TAMM41: variants seen among roughly 807,000 people sequenced by gnomAD.
TAMM41 encodes TAM41 mitochondrial translocator assembly and maintenance homolog.
Under a neutral mutation model 44.1 loss-of-function variants are expected in TAMM41, and 36 were observed. That is an observed-to-expected ratio of 0.82 (90% CI 0.63 to 1.08). The LOEUF is 1.08. Among genes scored for constraint, TAMM41 ranks in the 50% least tolerant of loss-of-function variants. The pLI, the probability that TAMM41 is intolerant of heterozygous loss-of-function variation, is 0.00. For missense variants in TAMM41, 417 were observed against 404.3 expected (o/e 1.03, Z -0.27); for synonymous variants, 164 against 153.1 (o/e 1.07, Z -0.53).
the TAMM41 span, among the ~76,000 whole-genome samples, chr3:11,752,178 T>C: frequency 1.5e-4 from 23 of 151,938 alleles, no homozygotes; most frequent in South Asian, 2.1e-3. Flanking sequence ...GTGTCCGGAG[T>C]TTCTTCCTTC....
At chr3:11,772,157 AC>A in the TAMM41 span, among the ~76,000 whole-genome samples, 1 of 145,022 alleles carries the variant, frequency 6.9e-6, no homozygotes, top group Admixed American at 6.9e-5. Context: ...TGTAAACTCC[AC>A]CTCCCAGGTT....
chr3:11,829,245 T>C (rs1385627349), intron 4 of TAMM41, among the ~76,000 whole-genome samples: 1 of 152,158 alleles, frequency 6.6e-6, no homozygotes, highest in Non-Finnish European at 1.5e-5. Context: ...TAAAAATTAT[T>C]GGGCCCTACC....
the TAMM41 span, among the ~76,000 whole-genome samples, chr3:11,762,906 A>G: frequency 0.25 from 38,219 of 152,082 alleles, 4,967 homozygotes; most frequent in East Asian, 0.32. Flanking sequence ...CTAAAAATAC[A>G]AAAAATTATC....
At chr3:11,772,325 C>T in the TAMM41 span, among the ~76,000 whole-genome samples, 1 of 151,680 alleles carries the variant, frequency 6.6e-6, no homozygotes, top group African/African-American at 2.4e-5. Context: ...TCGTGATCCG[C>T]CCTCCTTGGC....
intron 7 of TAMM41, among the ~76,000 whole-genome samples, chr3:11,796,214 G>A (rs1465327468): frequency 6.6e-6 from 1 of 152,166 alleles, no homozygotes; most frequent in Non-Finnish European, 1.5e-5. Flanking sequence ...GGTTATAGAT[G>A]CCTGGCTTCC....
downstream of TAMM41, among the ~76,000 whole-genome samples, chr3:11,786,794 A>G (rs914099643): frequency 2.0e-5 from 3 of 150,392 alleles, no homozygotes; most frequent in Non-Finnish European, 4.4e-5. Context: ...AAGTCTCACT[A>G]TGTTGCCTGG....
the TAMM41 span, among the ~76,000 whole-genome samples, chr3:11,736,884 G>A: frequency 6.6e-6 from 1 of 152,094 alleles, no homozygotes; most frequent in South Asian, 2.1e-4. Context: ...CCTCCCTGGG[G>A]CTAAGACACA....
the TAMM41 span, among the ~76,000 whole-genome samples, chr3:11,749,149 G>C: frequency 6.6e-6 from 1 of 152,040 alleles, no homozygotes; most frequent in Non-Finnish European, 1.5e-5. Context: ...CTGACCTCAA[G>C]TGATCTGCCC....
the TAMM41 span, among the ~76,000 whole-genome samples, chr3:11,751,089 C>CT: frequency 0.02 from 2,564 of 130,242 alleles, 90 homozygotes; most frequent in African/African-American, 0.057. Flanking sequence ...ACAGATGATA[C>CT]TTTTTTTTTT....
Position 11,843,075 on chromosome 3 carries a change from G to A in TAMM41, c.318+954C>T, listed in dbSNP as rs76911926. On this transcript the variant is annotated intron_variant, in intron 2 of 7. Transcript: ENST00000455809. ...AACAGCCCACTGTCAAATTCCACGC[G>A]TCTCCTGGCACCAAGAGGTTCCCGT... 2.6e-4 allele frequency among the ~76,000 whole-genome samples: 39 copies of A among 152,258 alleles called. No individual in the cohort carries two copies. In the East Asian group the frequency reaches 3.5e-3, roughly 14 times the overall value.
At chr3:11,820,614 C>T (rs887608645) in intron 4 of TAMM41, among the ~76,000 whole-genome samples, 15 of 152,044 alleles carry the variant, frequency 9.9e-5, no homozygotes, top group East Asian at 3.9e-4. Flanking sequence ...CTAGCTCAAC[C>T]GCAGGGGATA....
At chr3:11,729,456 C>G in the TAMM41 span, among the ~76,000 whole-genome samples, 4 of 150,514 alleles carry the variant, frequency 2.7e-5, no homozygotes, top group African/African-American at 9.7e-5. Context: ...CAACAACACC[C>G]CAGAGTGAAA....
chr3:11,826,404 C>T (rs1354965446), intron 4 of TAMM41, among the ~76,000 whole-genome samples: 1 of 151,804 alleles, frequency 6.6e-6, no homozygotes. Flanking sequence ...TGGCGTGTGC[C>T]TGTGGTCCCA....
intron 7 of TAMM41, among the ~76,000 whole-genome samples, chr3:11,803,308 C>A (rs1287876260): frequency 2.0e-5 from 3 of 152,028 alleles, no homozygotes; most frequent in African/African-American, 4.8e-5. Context: ...CGCTTGAAAC[C>A]AGGAGGTGGA....
intron 2 of TAMM41, among the ~76,000 whole-genome samples, chr3:11,840,235 C>CA (rs2079372791): frequency 8.9e-6 from 1 of 112,170 alleles, no homozygotes; most frequent in East Asian, 2.1e-4. Context: ...TAATTAAACT[C>CA]ATTTTTTTTT....
chr3:11,795,466 C>T (rs2077582995), intron 7 of TAMM41, among the ~76,000 whole-genome samples: 2 of 152,290 alleles, frequency 1.3e-5, no homozygotes, highest in Middle Eastern at 6.8e-3. Context: ...ACTGCAATGA[C>T]CTGAGTTCAG....
chr3:11,779,436 C>A, the TAMM41 span, among the ~76,000 whole-genome samples: 1 of 152,118 alleles, frequency 6.6e-6, no homozygotes, highest in East Asian at 1.9e-4. Context: ...GAGAGCCAGC[C>A]CCATGACCAA....
At chr3:11,748,313 C>T in the TAMM41 span, among the ~76,000 whole-genome samples, 7 of 151,168 alleles carry the variant, frequency 4.6e-5, no homozygotes, top group African/African-American at 9.7e-5. Flanking sequence ...GATGGAGTCT[C>T]GCTCTATCAC....
the TAMM41 span, among the ~76,000 whole-genome samples, chr3:11,747,062 T>C: frequency 6.6e-6 from 1 of 152,058 alleles, no homozygotes; most frequent in African/African-American, 2.4e-5. Context: ...AGACGTGTGG[T>C]AGAACTTTAT....
Sources: allele counts gnomAD v4.1 joint callset (sites outside exome capture counted in the v4.1 genomes callset), GRCh38; gene constraint gnomAD v4.1.1; transcripts MANE v1.5; gene names NCBI Gene and HGNC (gene_info 2026-07-23, HGNC 2026-07-21).